The following HMGA2 variants were observed in gnomAD, a reference collection of about 807,000 sequenced individuals.
The protein encoded by HMGA2 is high mobility group protein HMGI-C.
Under a neutral mutation model 19.1 loss-of-function variants are expected in HMGA2, and 8 were observed. The observed-to-expected ratio is 0.42, with a 90% CI of 0.25 to 0.76. The LOEUF is 0.76. Among genes scored for constraint, HMGA2 ranks in the 30% least tolerant of loss-of-function variants. The probability of loss-of-function intolerance (pLI) is 0.28; values close to 1 mark genes in which losing one functional copy is unlikely to be tolerated. For synonymous variants in HMGA2, 60 were observed against 48.8 expected, an observed-to-expected ratio of 1.23 and a Z score of -0.96; for missense variants, 109 against 136.3, an observed-to-expected ratio of 0.80 and a Z score of 1.00.
intron 3 of HMGA2, among the ~76,000 whole-genome samples, chr12:65,916,153 T>C (rs2121228571): frequency 6.6e-6 from 1 of 152,320 alleles, no homozygotes; most frequent in African/African-American, 2.4e-5. Flanking sequence ...ACCATTACAT[T>C]TTCCAGGGCT....
chr12:65,862,340 C>T (rs544383711), intron 3 of HMGA2, among the ~76,000 whole-genome samples: 1 of 151,678 alleles, frequency 6.6e-6, no homozygotes, highest in East Asian at 1.9e-4. Flanking sequence ...AAATGGGATT[C>T]TGTCTGTCTC....
At position 65,965,159 on chromosome 12, in the gene HMGA2, A is replaced by G. The variant is rs574831732; in HGVS notation, c.*1867A>G. The G allele has an allele frequency of 5.0e-6, 1 of 198,962 alleles. No individual in the cohort carries two copies. The highest frequency in any genetic ancestry group is 1.9e-4 in the South Asian group (1 of 5,236). The allele number at this position is 198,962 out of a possible 1,614,324, so 12.3% of individuals were successfully genotyped here. A position where few individuals can be genotyped will look rare whatever the true frequency, so the allele number is the denominator to read the frequency against. The stretch of plus-strand genomic sequence containing the variant: ...AAAATAAAAGCCAACCTTCAAAGAA[A>G]CTTGAAGCTTTGTAGGTGAGATGCA... On this transcript the variant is annotated 3_prime_UTR_variant, in exon 5 of 5. Transcript: ENST00000403681.
chr12:65,852,981 GA>G, intron 3 of HMGA2, among the ~76,000 whole-genome samples: 1 of 152,156 alleles, frequency 6.6e-6, no homozygotes, highest in Non-Finnish European at 1.5e-5. Flanking sequence ...AAATGAGAAG[GA>G]AACTTTGGGA....
chr12:65,918,061 A>G (rs1472561538), intron 3 of HMGA2, among the ~76,000 whole-genome samples: 1 of 152,188 alleles, frequency 6.6e-6, no homozygotes, highest in Non-Finnish European at 1.5e-5. Flanking sequence ...TTTCTAAGTA[A>G]TTTACTCAAA....
At position 65,963,279 on chromosome 12, in the gene HMGA2, C is replaced by T; in HGVS notation, c.317C>T (p.Ala106Val). 6.2e-7 allele frequency: 1 copy of T among 1,613,552 alleles called. No individual in the cohort carries two copies. Among genetic ancestry groups the T allele is most frequent in the Non-Finnish European group, 8.5e-7 (1 of 1,179,768 alleles). Residue 106 changes from alanine (A) to valine (V), a missense_variant, in exon 5 of 5, where the codon GCC (alanine) becomes GTC (valine). Physicochemically the swap from Ala to Val is moderately conservative, Grantham distance 64 (BLOSUM62 0). Transcript: ENST00000403681. ...GAAGAGACATCCTCACAAGAGTCTG[C>T]CGAAGAGGACTAGGGGGCGCCAACG... ...ETEETSSQES[A>V]EED
At chr12:65,939,096 C>T (rs556706457) in intron 3 of HMGA2, among the ~76,000 whole-genome samples, 1 of 152,118 alleles carries the variant, frequency 6.6e-6, no homozygotes, top group East Asian at 2.0e-4. Context: ...TAGTTGGAAA[C>T]CTTTTTTGAA....
At chr12:65,955,784 G>C (rs933598368) in intron 4 of HMGA2, 1 of 152,196 alleles carries the variant, frequency 6.6e-6, no homozygotes. Context: ...TGGGTGGTGT[G>C]CACCCGGGCA....
Position 65,914,499 on chromosome 12 carries a change from G to T in HMGA2, c.250-36884G>T, listed in dbSNP as rs1351248144. On this transcript the variant is annotated intron_variant, in intron 3 of 4. Transcript: ENST00000403681. ...CACACTCTGGGGACTGTTGTGGGGT[G>T]GGGGGAGGGGGGAGGGATAGCATTG... Among the ~76,000 whole-genome samples the T allele has an allele frequency of 3.9e-3, 459 of 116,708 alleles. 1 individual carries two copies. The highest frequency in any genetic ancestry group is 6.0e-3 in the Non-Finnish European group (346 of 57,918). The allele number at this position is 116,708 out of a possible 152,430, so 76.6% of individuals were successfully genotyped here. A position where few individuals can be genotyped will look rare whatever the true frequency, so the allele number is the denominator to read the frequency against.
chr12:65,924,818 T>G (rs969690727), intron 3 of HMGA2, among the ~76,000 whole-genome samples: 1 of 152,052 alleles, frequency 6.6e-6, no homozygotes, highest in Non-Finnish European at 1.5e-5. Context: ...AAAAAGTAAT[T>G]GTGAAGTCTT....
intron 3 of HMGA2, among the ~76,000 whole-genome samples, chr12:65,938,398 T>C (rs938110675): frequency 6.6e-6 from 1 of 152,220 alleles, no homozygotes; most frequent in Non-Finnish European, 1.5e-5. Context: ...GTGGGCTATT[T>C]GAGACTCATC....
intron 3 of HMGA2, among the ~76,000 whole-genome samples, chr12:65,909,876 C>T (rs114532409): frequency 6.6e-6 from 1 of 152,336 alleles, no homozygotes; most frequent in African/African-American, 2.4e-5. Flanking sequence ...AGGTGGAGAC[C>T]TCTGGCTTCC....
chr12:65,888,491 A>T, intron 3 of HMGA2, among the ~76,000 whole-genome samples: 1 of 150,690 alleles, frequency 6.6e-6, no homozygotes, highest in South Asian at 2.1e-4. Context: ...AAACCTTAGA[A>T]TAAAACTACC....
chr12:65,841,650 T>C (rs1243890756), intron 3 of HMGA2, among the ~76,000 whole-genome samples: 3 of 152,242 alleles, frequency 2.0e-5, no homozygotes, highest in Non-Finnish European at 4.4e-5. Context: ...GAGTTAGAGA[T>C]ATATTTTTGA....
At chr12:65,898,966 C>T (rs1449515971) in intron 3 of HMGA2, among the ~76,000 whole-genome samples, 1 of 148,202 alleles carries the variant, frequency 6.7e-6, no homozygotes, top group African/African-American at 2.5e-5. Context: ...ATGGCATGAA[C>T]CCGGGAGGCT....
chr12:65,848,751 G>A (rs914053764), intron 3 of HMGA2, among the ~76,000 whole-genome samples: 1 of 152,122 alleles, frequency 6.6e-6, no homozygotes, highest in African/African-American at 2.4e-5. Flanking sequence ...AGCTACTCGG[G>A]AGGCTGAGGC....
At chr12:65,861,181 C>T (rs112524272) in intron 3 of HMGA2, among the ~76,000 whole-genome samples, 2 of 152,268 alleles carry the variant, frequency 1.3e-5, no homozygotes, top group African/African-American at 4.8e-5. Flanking sequence ...TCCTGGCCAA[C>T]ATGGTGAAAC....
At chr12:65,866,633 G>A (rs1025362141) in intron 3 of HMGA2, among the ~76,000 whole-genome samples, 2 of 152,122 alleles carry the variant, frequency 1.3e-5, no homozygotes, top group Non-Finnish European at 2.9e-5. Context: ...TGTTCTTTTT[G>A]TGATACCCAT....
chr12:65,881,472 G>C (rs555167625), intron 3 of HMGA2: 71 of 521,894 alleles, frequency 1.4e-4, no homozygotes, highest in Non-Finnish European at 2.2e-4. Flanking sequence ...AACCCTTAAA[G>C]GATTATGAAG....
intron 3 of HMGA2, among the ~76,000 whole-genome samples, chr12:65,910,220 A>C (rs927990697): frequency 1.3e-5 from 2 of 152,116 alleles, no homozygotes; most frequent in African/African-American, 4.8e-5. Flanking sequence ...CTCTGCCCTT[A>C]GTCAGGGGAA....
Sources: gnomAD v4.1 joint callset for allele counts (sites outside exome capture counted in the v4.1 genomes callset) on GRCh38, gnomAD v4.1.1 for gene constraint, MANE v1.5 for transcripts, NCBI Gene and HGNC (gene_info 2026-07-23, HGNC 2026-07-21) for gene names.